The following KCNIP4 variants were observed in gnomAD, a reference collection of about 807,000 sequenced individuals.
The protein encoded by KCNIP4 is Kv channel-interacting protein 4.
A neutral mutation model predicts 34.0 loss-of-function variants in KCNIP4; 12 were observed. That is an observed-to-expected ratio of 0.35 (90% CI 0.23 to 0.57). KCNIP4 has a LOEUF of 0.57. KCNIP4 is among the 20% of genes least tolerant of loss of function. KCNIP4 has a pLI of 0.83. For synonymous variants in KCNIP4, 124 were observed against 102.2 expected (o/e 1.21, Z -1.29); for missense variants, 238 against 311.7 (o/e 0.76, Z 1.78).
chr4:21,122,965 C>T (rs544340544), intron 1 of KCNIP4, among the ~76,000 whole-genome samples: 2 of 152,270 alleles, frequency 1.3e-5, no homozygotes, highest in Non-Finnish European at 2.9e-5. Context: ...AATCCCAGCA[C>T]TTTGGGAGGC....
At chr4:20,949,447 T>G (rs977390858) in intron 1 of KCNIP4, among the ~76,000 whole-genome samples, 6 of 152,184 alleles carry the variant, frequency 3.9e-5, no homozygotes, top group African/African-American at 1.4e-4. Flanking sequence ...GAAGTCAGTG[T>G]GGCGATTCCT....
chr4:21,274,172 T>C (rs1237958072), intron 1 of KCNIP4, among the ~76,000 whole-genome samples: 1 of 152,210 alleles, frequency 6.6e-6, no homozygotes, highest in East Asian at 1.9e-4. Context: ...CAGATGCTCC[T>C]GTGAACAACA....
At chr4:20,774,747 G>T (rs1006218899) in intron 3 of KCNIP4, among the ~76,000 whole-genome samples, 1 of 152,204 alleles carries the variant, frequency 6.6e-6, no homozygotes, top group Non-Finnish European at 1.5e-5. Flanking sequence ...TGCTGGGGAA[G>T]AGGCAAAGGA....
At chr4:20,831,725 C>A (rs541037603) in intron 3 of KCNIP4, among the ~76,000 whole-genome samples, 1 of 152,194 alleles carries the variant, frequency 6.6e-6, no homozygotes, top group East Asian at 1.9e-4. Context: ...CATGAGGAGA[C>A]TAATATGGGG....
At chr4:21,396,137 G>C (rs1283275881) in intron 1 of KCNIP4, among the ~76,000 whole-genome samples, 1 of 150,588 alleles carries the variant, frequency 6.6e-6, no homozygotes, top group Non-Finnish European at 1.5e-5. Context: ...ATAAGACTAT[G>C]TAGAGTCTCC....
chr4:21,757,383 G>A (rs1399773320), intron 1 of KCNIP4, among the ~76,000 whole-genome samples: 1 of 152,120 alleles, frequency 6.6e-6, no homozygotes, highest in East Asian at 1.9e-4. Context: ...AACAGAGAAC[G>A]TAAGCTCACA....
chr4:20,930,417 A>G (rs1730338911), intron 1 of KCNIP4, among the ~76,000 whole-genome samples: 1 of 152,058 alleles, frequency 6.6e-6, no homozygotes, highest in South Asian at 2.1e-4. Flanking sequence ...CTAGAGAAGA[A>G]CATAGGGGGA....
intron 1 of KCNIP4, among the ~76,000 whole-genome samples, chr4:21,020,056 T>G (rs555408046): frequency 6.6e-6 from 1 of 152,174 alleles, no homozygotes; most frequent in South Asian, 2.1e-4. Context: ...TGCCTTTAAA[T>G]AAAGCATGCT....
intron 1 of KCNIP4, among the ~76,000 whole-genome samples, chr4:21,434,779 A>G (rs1275235663): frequency 6.7e-6 from 1 of 149,554 alleles, no homozygotes; most frequent in East Asian, 2.0e-4. Context: ...GGGAAAAAAA[A>G]AAAAAAAGGC....
At chr4:21,311,141 A>C (rs1339942080) in intron 1 of KCNIP4, among the ~76,000 whole-genome samples, 1 of 152,152 alleles carries the variant, frequency 6.6e-6, no homozygotes, top group East Asian at 1.9e-4. Context: ...AGTAGCTGTT[A>C]TTGTTATTTA....
At chr4:21,778,436 T>A (rs2323106) in intron 1 of KCNIP4, among the ~76,000 whole-genome samples, 8,561 of 151,718 alleles carry the variant, frequency 0.056, 805 homozygotes, top group African/African-American at 0.19. Flanking sequence ...GATCGCATCA[T>A]GTTACCCAGG....
intron 1 of KCNIP4, among the ~76,000 whole-genome samples, chr4:21,922,280 A>G (rs12648556): frequency 1 from 152,159 of 152,290 alleles, 76,015 homozygotes; most frequent in Middle Eastern, 1. Context: ...TTCCTTCCCA[A>G]CAAGCACTGT....
At chr4:21,321,722 G>A (rs1260144626) in intron 1 of KCNIP4, among the ~76,000 whole-genome samples, 1 of 150,470 alleles carries the variant, frequency 6.6e-6, no homozygotes, top group Admixed American at 6.6e-5. Flanking sequence ...AGGAAGGCAG[G>A]AGGGAGGCAG....
chr4:20,873,002 A>T (rs1577292135), intron 2 of KCNIP4, among the ~76,000 whole-genome samples: 1 of 152,264 alleles, frequency 6.6e-6, no homozygotes, highest in East Asian at 1.9e-4. Context: ...TTTCACCATT[A>T]TCATTTTGGT....
rs368675068 is a variant in KCNIP4, at chr4:21,193,114, TAA to T, written c.62-310407_62-310406del. Among the ~76,000 whole-genome samples the T allele has an allele frequency of 5.2e-4, 73 of 141,486 alleles. No homozygotes were observed. The Middle Eastern group carries it at 0.015, about 29-fold the overall frequency. The allele number at this position is 141,486 out of a possible 152,430, so 92.8% of individuals were successfully genotyped here. A position where few individuals can be genotyped will look rare whatever the true frequency, so the allele number is the denominator to read the frequency against. Reference sequence around the variant, plus strand: ...CTGGGAGACAGAGCAAGACCCTGGCTAAAAAAAAAAAAAAGTCTGGTTGTTTG... The same window carrying T: ...CTGGGAGACAGAGCAAGACCCTGGCTAAAAAAAAAAAAGTCTGGTTGTTTG... On this transcript the variant is annotated intron_variant, in intron 1 of 8. Coordinates refer to ENST00000382152, the MANE Select transcript of KCNIP4 (RefSeq NM_025221.6).
chr4:21,522,059 A>G (rs1735573202), intron 1 of KCNIP4, among the ~76,000 whole-genome samples: 1 of 152,168 alleles, frequency 6.6e-6, no homozygotes, highest in Non-Finnish European at 1.5e-5. Context: ...TTACTTCAAC[A>G]TGTGTCTGTT....
chr4:21,522,415 C>T (rs865792543), intron 1 of KCNIP4, among the ~76,000 whole-genome samples: 1 of 152,004 alleles, frequency 6.6e-6, no homozygotes, highest in Non-Finnish European at 1.5e-5. Flanking sequence ...CTTGCCCTGT[C>T]ACCCAGGCTG....
At chr4:21,663,394 T>C (rs1368545909) in intron 1 of KCNIP4, among the ~76,000 whole-genome samples, 1 of 152,108 alleles carries the variant, frequency 6.6e-6, no homozygotes, top group African/African-American at 2.4e-5. Flanking sequence ...AGCTTGGAGG[T>C]GCCCATCGGA....
At chr4:21,004,308 A>G (rs1263356375) in intron 1 of KCNIP4, among the ~76,000 whole-genome samples, 2 of 152,204 alleles carry the variant, frequency 1.3e-5, no homozygotes, top group Non-Finnish European at 2.9e-5. Context: ...TGCTCGATTC[A>G]ATGAGAAAGG....
Sources: allele counts gnomAD v4.1 joint callset (sites outside exome capture counted in the v4.1 genomes callset), GRCh38; gene constraint gnomAD v4.1.1; transcripts MANE v1.5; gene names NCBI Gene and HGNC (gene_info 2026-07-23, HGNC 2026-07-21).